Variants in SEMA3A observed in about 807,000 individuals in gnomAD.
SEMA3A encodes semaphorin 3A.
In SEMA3A, 29 loss-of-function variants were observed where a neutral mutation model predicts 97.9. The observed-to-expected ratio is 0.30, with a 90% CI of 0.22 to 0.40. The LOEUF (loss-of-function observed/expected upper bound fraction) is 0.40, where lower values mean the gene tolerates loss of function less well. SEMA3A is among the 10% of genes least tolerant of loss of function. SEMA3A has a pLI of 1.00. For synonymous variants in SEMA3A, 321 were observed against 323.7 expected (o/e 0.99, Z 0.09); for missense variants, 763 against 951.3 (o/e 0.80, Z 2.60).
intron 1 of SEMA3A, among the ~76,000 whole-genome samples, chr7:84,172,793 G>A (rs1314373711): frequency 6.6e-6 from 1 of 152,198 alleles, no homozygotes; most frequent in Non-Finnish European, 1.5e-5. Context: ...CAGGCAGCAG[G>A]CTGGATTTAG....
At chr7:83,979,264 G>A in intron 14 of SEMA3A, among the ~76,000 whole-genome samples, 1 of 151,444 alleles carries the variant, frequency 6.6e-6, no homozygotes, top group South Asian at 2.1e-4. Flanking sequence ...CTCCCAAATA[G>A]CTGGGATTAC....
chr7:84,453,851 G>C (rs534783502), intron 1 of SEMA3A, among the ~76,000 whole-genome samples: 18 of 152,222 alleles, frequency 1.2e-4, no homozygotes, highest in African/African-American at 4.3e-4. Context: ...AAACTGACTT[G>C]ATTAGATGAT....
chr7:84,305,671 T>C (rs1459145077), intron 3 of SEMA3A, among the ~76,000 whole-genome samples: 2 of 152,036 alleles, frequency 1.3e-5, no homozygotes, highest in South Asian at 2.1e-4. Context: ...TTGGCCTTTA[T>C]ACATTTGAAA....
intron 1 of SEMA3A, among the ~76,000 whole-genome samples, chr7:84,437,911 C>A (rs1224351107): frequency 2.6e-5 from 4 of 151,896 alleles, no homozygotes; most frequent in African/African-American, 9.7e-5. Flanking sequence ...ACTAATTACT[C>A]CCCTACAAGC....
chr7:84,395,347 G>C (rs1227184402), intron 1 of SEMA3A, among the ~76,000 whole-genome samples: 1 of 128,516 alleles, frequency 7.8e-6, no homozygotes, highest in East Asian at 2.5e-4. Context: ...TACAAATCAA[G>C]AAACCCATAG....
At chr7:84,095,302 T>C (rs1188203891) in intron 4 of SEMA3A, among the ~76,000 whole-genome samples, 1 of 146,192 alleles carries the variant, frequency 6.8e-6, no homozygotes, top group Non-Finnish European at 1.5e-5. Flanking sequence ...TATATGTATA[T>C]AATGCATTTA....
At chr7:84,317,441 AG>A (rs1398229692) in intron 2 of SEMA3A, among the ~76,000 whole-genome samples, 2 of 152,178 alleles carry the variant, frequency 1.3e-5, no homozygotes, top group African/African-American at 4.8e-5. Context: ...TGTTGAAGTA[AG>A]TCTAAGGCTT....
At chr7:84,334,483 G>A (rs1584246815) in intron 2 of SEMA3A, among the ~76,000 whole-genome samples, 1 of 151,960 alleles carries the variant, frequency 6.6e-6, no homozygotes, top group Non-Finnish European at 1.5e-5. Flanking sequence ...CTAATGGCTT[G>A]TAATAAAATA....
At chr7:84,296,614 A>AT (rs1339211415) in intron 3 of SEMA3A, among the ~76,000 whole-genome samples, 2 of 152,004 alleles carry the variant, frequency 1.3e-5, no homozygotes, top group Non-Finnish European at 2.9e-5. Context: ...ACTGCAATTG[A>AT]TTTTTTTCTA....
At chr7:84,353,334 A>G (rs1283113508) in intron 2 of SEMA3A, among the ~76,000 whole-genome samples, 3 of 151,594 alleles carry the variant, frequency 2.0e-5, no homozygotes, top group Non-Finnish European at 4.4e-5. Flanking sequence ...ATTCATACAT[A>G]CATAAATATG....
At chr7:84,288,198 A>G (rs1335518335) in intron 3 of SEMA3A, among the ~76,000 whole-genome samples, 2 of 152,042 alleles carry the variant, frequency 1.3e-5, no homozygotes, top group East Asian at 3.9e-4. Flanking sequence ...AGATCTTTCT[A>G]TCTCAGCTTC....
intron 9 of SEMA3A, among the ~76,000 whole-genome samples, chr7:84,009,347 ATAT>A: frequency 6.6e-6 from 1 of 152,330 alleles, no homozygotes; most frequent in East Asian, 1.9e-4. Context: ...AAGGGAAGAA[ATAT>A]TATTTAGGTA....
At chr7:84,271,559 G>A (rs1162386883) in intron 3 of SEMA3A, among the ~76,000 whole-genome samples, 2 of 152,082 alleles carry the variant, frequency 1.3e-5, no homozygotes, top group African/African-American at 2.4e-5. Context: ...CAGCCTTATA[G>A]AGCCATGTTA....
chr7:84,080,220 T>A (rs10263409), intron 4 of SEMA3A, among the ~76,000 whole-genome samples: 1 of 82,678 alleles, frequency 1.2e-5, no homozygotes, highest in East Asian at 4.7e-4. Context: ...GGGGAGGGGG[T>A]AGGGATAGCA....
chr7:83,992,674 G>T (rs1161997280), intron 12 of SEMA3A, among the ~76,000 whole-genome samples: 1 of 151,460 alleles, frequency 6.6e-6, no homozygotes, highest in African/African-American at 2.4e-5. Context: ...TTGCACTGTG[G>T]TCTGAGAGAT....
At chr7:84,247,023 A>C (rs1475366168) in intron 3 of SEMA3A, among the ~76,000 whole-genome samples, 1 of 152,262 alleles carries the variant, frequency 6.6e-6, no homozygotes, top group South Asian at 2.1e-4. Context: ...AAATGTTTTT[A>C]GTGGTGAAAT....
intron 1 of SEMA3A, among the ~76,000 whole-genome samples, chr7:84,135,942 C>T (rs1442606831): frequency 6.6e-6 from 1 of 152,120 alleles, no homozygotes; most frequent in Admixed American, 6.5e-5. Context: ...TATACCTATA[C>T]TTTAGTGACA....
At chr7:83,963,012 TCTC>T (rs1249890962) in intron 16 of SEMA3A, among the ~76,000 whole-genome samples, 190 bp downstream of exon 16, 3 of 152,180 alleles carry the variant, frequency 2.0e-5, no homozygotes, top group Non-Finnish European at 4.4e-5. Flanking sequence ...TACCTTTGTT[TCTC>T]TAATTCATAG....
chr7:83,990,900 T>C (rs1390493153), intron 12 of SEMA3A, among the ~76,000 whole-genome samples: 2 of 151,948 alleles, frequency 1.3e-5, no homozygotes, highest in Non-Finnish European at 2.9e-5. Context: ...ATCTGTAAAT[T>C]ACCTTGGGCA....
Sources: allele counts gnomAD v4.1 joint callset (sites outside exome capture counted in the v4.1 genomes callset), GRCh38; gene constraint gnomAD v4.1.1; transcripts MANE v1.5; gene names NCBI Gene and HGNC (gene_info 2026-07-23, HGNC 2026-07-21).